Variants in ENTREP2 observed in about 807,000 individuals in gnomAD.
ENTREP2 encodes protein ENTREP2.
At chr15:29,130,727 G>C in the ENTREP2 span, among the ~76,000 whole-genome samples, 40,421 of 152,010 alleles carry the variant, frequency 0.27, 5,681 homozygotes, top group Non-Finnish European at 0.32. Flanking sequence ...CGCAAGCAGA[G>C]TGTCAAGAGT....
At chr15:29,171,550 G>GT in the ENTREP2 span, among the ~76,000 whole-genome samples, 50 of 152,000 alleles carry the variant, frequency 3.3e-4, no homozygotes, top group Non-Finnish European at 6.5e-4. Flanking sequence ...CCCAAGTAAG[G>GT]TATTTTTTTT....
At chr15:29,514,314 C>T in the ENTREP2 span, among the ~76,000 whole-genome samples, 1 of 152,194 alleles carries the variant, frequency 6.6e-6, no homozygotes, top group Non-Finnish European at 1.5e-5. Flanking sequence ...CAGCATTTGT[C>T]TTTCTGTGGC....
the ENTREP2 span, among the ~76,000 whole-genome samples, chr15:29,128,491 C>T: frequency 3.9e-5 from 6 of 152,238 alleles, no homozygotes; most frequent in South Asian, 1.2e-3. Context: ...TGCTCTTCTT[C>T]AAATCCATAT....
At chr15:29,643,066 TAGA>T in the ENTREP2 span, among the ~76,000 whole-genome samples, 1,177 of 152,294 alleles carry the variant, frequency 7.7e-3, 15 homozygotes, top group African/African-American at 0.026. Flanking sequence ...ACGGAATTCT[TAGA>T]AGAACACATA....
chr15:29,290,633 A>C, the ENTREP2 span, among the ~76,000 whole-genome samples: 1 of 152,240 alleles, frequency 6.6e-6, no homozygotes, highest in East Asian at 1.9e-4. Context: ...GAAGGCGCTC[A>C]GTACAATTCT....
chr15:29,218,486 A>G, the ENTREP2 span, among the ~76,000 whole-genome samples: 10,283 of 152,224 alleles, frequency 0.068, 1,204 homozygotes, highest in African/African-American at 0.23. Flanking sequence ...ATACAAAACC[A>G]AAAAAGAGCC....
At chr15:29,202,793 C>T in the ENTREP2 span, among the ~76,000 whole-genome samples, 566 of 152,252 alleles carry the variant, frequency 3.7e-3, 2 homozygotes, top group African/African-American at 0.013. Context: ...GCTTCATCTA[C>T]ATCCCTGCAA....
the ENTREP2 span, chr15:29,269,774 G>T: frequency 5.8e-6 from 8 of 1,373,594 alleles, no homozygotes; most frequent in Non-Finnish European, 7.5e-6. Flanking sequence ...GCGGGTCGGC[G>T]ACCCGCTAAC....
chr15:29,434,303 T>C, the ENTREP2 span, among the ~76,000 whole-genome samples: 9 of 152,342 alleles, frequency 5.9e-5, no homozygotes, highest in African/African-American at 2.2e-4. Context: ...CTGGTATTCA[T>C]TAAGCCTTTC....
chr15:29,135,965 G>A, the ENTREP2 span, among the ~76,000 whole-genome samples: 1 of 152,108 alleles, frequency 6.6e-6, no homozygotes, highest in African/African-American at 2.4e-5. This position sits in a 1 kb window ranked among gnomAD's most constrained non-coding sequence, Gnocchi z 7.4. Flanking sequence ...GTCAGGAGCT[G>A]TCCCAGGTCC....
the ENTREP2 span, among the ~76,000 whole-genome samples, chr15:29,553,099 C>A: frequency 2.6e-5 from 4 of 152,202 alleles, no homozygotes; most frequent in African/African-American, 9.6e-5. Context: ...AGTTCAAGAC[C>A]AGCCTAGCCA....
chr15:29,239,850 G>A, the ENTREP2 span, among the ~76,000 whole-genome samples: 4 of 152,116 alleles, frequency 2.6e-5, no homozygotes, highest in African/African-American at 4.8e-5. Context: ...TCTTTGTTGT[G>A]ACACACAACC....
chr15:29,648,182 C>G, the ENTREP2 span, among the ~76,000 whole-genome samples: 1 of 152,180 alleles, frequency 6.6e-6, no homozygotes, highest in Non-Finnish European at 1.5e-5. Flanking sequence ...GAGGCTTTAG[C>G]TCAACAACAT....
chr15:29,198,703 A>T, the ENTREP2 span, among the ~76,000 whole-genome samples: 2 of 152,250 alleles, frequency 1.3e-5, no homozygotes, highest in African/African-American at 2.4e-5. Context: ...AAGGCCTTCC[A>T]TGCCTCATTC....
chr15:29,642,752 G>A, the ENTREP2 span, among the ~76,000 whole-genome samples: 1 of 151,882 alleles, frequency 6.6e-6, no homozygotes, highest in Non-Finnish European at 1.5e-5. Context: ...AGCTGGGACT[G>A]TAGGCACACG....
the ENTREP2 span, among the ~76,000 whole-genome samples, chr15:29,530,994 G>A: frequency 4.9e-4 from 74 of 152,278 alleles, 1 homozygote; most frequent in Admixed American, 6.5e-4. Flanking sequence ...CCGCACCCAA[G>A]TCTGGGACCA....
At chr15:29,383,281 CT>C in the ENTREP2 span, among the ~76,000 whole-genome samples, 1 of 152,162 alleles carries the variant, frequency 6.6e-6, no homozygotes, top group Admixed American at 6.5e-5. Context: ...AAAAATGCAG[CT>C]GCAGCCTCCA....
the ENTREP2 span, among the ~76,000 whole-genome samples, chr15:29,224,415 G>T: frequency 2.6e-5 from 4 of 152,116 alleles, no homozygotes; most frequent in African/African-American, 4.8e-5. Context: ...CTGCTGGCTC[G>T]GGCAGCCCGC....
At chr15:29,505,391 G>A in the ENTREP2 span, among the ~76,000 whole-genome samples, 2 of 152,212 alleles carry the variant, frequency 1.3e-5, no homozygotes, top group Non-Finnish European at 2.9e-5. The surrounding 1 kb of genome is among the most constrained non-coding windows in gnomAD (Gnocchi z 4.3). Context: ...TCTCAGCACA[G>A]TGCTCGAGCT....
Sources: allele counts gnomAD v4.1 joint callset (sites outside exome capture counted in the v4.1 genomes callset), GRCh38; gene constraint gnomAD v4.1.1; non-coding constraint Gnocchi (gnomAD v3.1); transcripts MANE v1.5; gene names NCBI Gene and HGNC (gene_info 2026-07-23, HGNC 2026-07-21).